FGFR1: variants seen among roughly 807,000 people sequenced by gnomAD.
FGFR1 encodes fibroblast growth factor receptor 1, also known as FGFR1/PLAG1 fusion.
Under a neutral mutation model 93.7 loss-of-function variants are expected in FGFR1, and 18 were observed. The observed-to-expected ratio is 0.19, with a 90% CI of 0.13 to 0.28. FGFR1 has a LOEUF of 0.28. Among genes scored for constraint, FGFR1 ranks in the 10% least tolerant of loss-of-function variants. The pLI, the probability that FGFR1 is intolerant of heterozygous loss-of-function variation, is 1.00. For synonymous variants in FGFR1, 448 were observed against 429.3 expected (o/e 1.04, Z -0.54); for missense variants, 731 against 1,080.4 (o/e 0.68, Z 4.53).
chr8:38,413,640 G>C lies in FGFR1; in HGVS notation c.2457C>G (p.Leu819=). The change falls in exon 18 of 18, where the codon CTC becomes CTG. Residue 819 remains leucine (L), a synonymous_variant. Transcript: ENST00000447712. This position sits in a 1 kb window ranked among gnomAD's most constrained non-coding sequence, Gnocchi z 4.2. ...RHPAQLANGG[L]KRR The stretch of plus-strand genomic sequence containing the variant: ...GTGTGGGTGGCAGTCAGCGGCGTTT[G>C]AGTCCGCCATTGGCAAGCTGGGCTG... 1 of 1,611,080 alleles carries C rather than the reference G, an allele frequency of 6.2e-7. No homozygotes were observed.
chr8:38,431,049 C>CCACA (rs933050949), intron 2 of FGFR1, among the ~76,000 whole-genome samples: 1 of 152,214 alleles, frequency 6.6e-6, no homozygotes, highest in African/African-American at 2.4e-5. Flanking sequence ...CACCTACCAC[C>CCACA]CACATCCCGC....
intron 4 of FGFR1, 95 bp downstream of exon 4, chr8:38,428,251 T>C (rs1821495994): frequency 6.8e-7 from 1 of 1,468,652 alleles, no homozygotes; most frequent in Non-Finnish European, 9.5e-7. Flanking sequence ...CGTGACCCCA[T>C]GTGCCCTCCT....
intron 1 of FGFR1, among the ~76,000 whole-genome samples, chr8:38,458,095 C>G (rs1833382454): frequency 6.6e-6 from 1 of 152,190 alleles, no homozygotes; most frequent in African/African-American, 2.4e-5. Context: ...ATGAGGTTTT[C>G]CAAGGTATAA....
chr8:38,423,270 C>G, intron 7 of FGFR1: 1 of 683,202 alleles, frequency 1.5e-6, no homozygotes, highest in Non-Finnish European at 2.7e-6. Flanking sequence ...GCCCAGGGAG[C>G]GAAGGGAGAT....
chr8:38,452,887 GA>G (rs543205091), intron 2 of FGFR1, among the ~76,000 whole-genome samples: 129 of 152,294 alleles, frequency 8.5e-4, no homozygotes, highest in Admixed American at 2.7e-3. Flanking sequence ...TGAGGCAGAA[GA>G]ATCGCTTGAA....
At chr8:38,440,436 A>G (rs967865311) in intron 2 of FGFR1, 11 of 1,385,986 alleles carry the variant, frequency 7.9e-6, no homozygotes, top group South Asian at 6.9e-5. Context: ...GGAGTCCCCA[A>G]ATAGAAGGAG....
In FGFR1 at chr8:38,412,833, T is replaced by A. The variant is rs1245537720; in HGVS notation, c.*795A>T. 1.7e-5 allele frequency: 4 copies of A among 233,512 alleles called. No homozygotes were observed. Among genetic ancestry groups the A allele is most frequent in the Non-Finnish European group, 3.4e-5 (4 of 118,034 alleles). 14.5% of individuals were successfully genotyped at this position (233,512 alleles called of 1,614,324 possible). ...AAGTAGCAAAAAATATATGACCTTT[T>A]TAAAAACATTTTCCTTTTTTTTCTT... On this transcript the variant is annotated 3_prime_UTR_variant, in exon 18 of 18. Transcript: ENST00000447712.
intron 2 of FGFR1, chr8:38,434,329 CTTTT>C (rs57569029): frequency 0.018 from 2,038 of 113,820 alleles, 43 homozygotes; most frequent in African/African-American, 0.052. Context: ...ATTGCTGCTG[CTTTT>C]TTTTTTTTTT....
intron 1 of FGFR1, among the ~76,000 whole-genome samples, chr8:38,460,480 C>T (rs1834120573): frequency 6.6e-6 from 1 of 152,120 alleles, no homozygotes; most frequent in South Asian, 2.1e-4. Context: ...AAGCTTGCTT[C>T]GACTTGGCCA....
chr8:38,442,012 A>G (rs1007300874), intron 2 of FGFR1, among the ~76,000 whole-genome samples: 6 of 152,126 alleles, frequency 3.9e-5, no homozygotes, highest in Admixed American at 2.0e-4. Flanking sequence ...TGACATTTTA[A>G]TAGAAACATA....
chr8:38,457,420 G>A lies in FGFR1; in HGVS notation c.27C>T (p.Phe9=), dbSNP rs971805245. The A allele has an allele frequency of 2.5e-6, 4 of 1,613,892 alleles. No homozygotes were observed. Among genetic ancestry groups the A allele is most frequent in the South Asian group, 1.1e-5 (1 of 91,092 alleles). MWSWKCLL[F]WAVLVTATLC... is the part of the protein sequence containing the mutation. ...GTGTGGCTGTGACCAGCACAGCCCAGAAGAGGAGGCACTTCCAGCTCCACA... is the reference window on the plus strand; with the variant it reads ...GTGTGGCTGTGACCAGCACAGCCCAAAAGAGGAGGCACTTCCAGCTCCACA... The change falls in exon 2 of 18, where the codon TTC becomes TTT. Residue 9 remains phenylalanine, a synonymous_variant. Coordinates refer to ENST00000447712, the MANE Select transcript of FGFR1 (RefSeq NM_023110.3).
chr8:38,456,742 C>CA (rs200923098), intron 2 of FGFR1, among the ~76,000 whole-genome samples: 1 of 151,166 alleles, frequency 6.6e-6, no homozygotes, highest in African/African-American at 2.4e-5. Flanking sequence ...AGTTAATTTC[C>CA]TTTTTTTTTG....
intron 9 of FGFR1, 53 bp from the exon 10 acceptor site, chr8:38,418,426 C>T: frequency 6.3e-7 from 1 of 1,582,472 alleles, no homozygotes; most frequent in Non-Finnish European, 8.6e-7. Context: ...CGGGGTGACT[C>T]CTTCCCATTC....
chr8:38,440,532 A>G (rs1312108468), intron 2 of FGFR1, among the ~76,000 whole-genome samples: 1 of 151,908 alleles, frequency 6.6e-6, no homozygotes, highest in Non-Finnish European at 1.5e-5. Flanking sequence ...CCCAGGGCCA[A>G]TGGCGTCCAC....
intron 2 of FGFR1, among the ~76,000 whole-genome samples, chr8:38,442,560 C>T (rs954361345): frequency 1.3e-5 from 2 of 152,106 alleles, no homozygotes; most frequent in East Asian, 1.9e-4. Context: ...GATGAATCAA[C>T]GGCAAAGAGG....
intron 2 of FGFR1, among the ~76,000 whole-genome samples, chr8:38,456,412 A>C (rs994768093): frequency 2.0e-5 from 3 of 152,110 alleles, no homozygotes; most frequent in Admixed American, 2.0e-4. Flanking sequence ...TGAATTTCCA[A>C]CACGCCATAG....
chr8:38,424,247 G>GT lies in FGFR1; in HGVS notation c.936+261dup. The GT allele has an allele frequency of 1.6e-6, 1 of 631,510 alleles. No homozygotes were observed. The highest frequency in any genetic ancestry group is 3.0e-6 in the Non-Finnish European group (1 of 333,362). The allele number at this position is 631,510 out of a possible 1,614,324, so 39.1% of individuals were successfully genotyped here. On this transcript the variant is annotated intron_variant, in intron 7 of 17. Coordinates refer to ENST00000447712, the MANE Select transcript of FGFR1 (RefSeq NM_023110.3). The surrounding 1 kb of genome is among the most constrained non-coding windows in gnomAD (Gnocchi z 4.3). ...TTGTGTAGCTGACCCCAAAGCCCCA[G>GT]TGACGTTGCTCTCAAAGCTTATTAC...
chr8:38,419,688 T>C lies in FGFR1; in HGVS notation c.1129A>G (p.Ile377Val), dbSNP rs1356366120. ...AVMTSPLYLE[I>V]IIYCTGAFLI... ...AAGGCCCCTGTGCAATAGATGATGATCTCCAGGTACAGGGGCGAGGTCATC... is the reference window on the plus strand; with the variant it reads ...AAGGCCCCTGTGCAATAGATGATGACCTCCAGGTACAGGGGCGAGGTCATC... Residue 377 changes from isoleucine (I) to valine (V), a missense_variant, in exon 9 of 18, where the codon ATC becomes GTC. Physicochemically the swap from Ile to Val is conservative, Grantham distance 29 (BLOSUM62 3). Coordinates refer to ENST00000447712, the MANE Select transcript of FGFR1 (RefSeq NM_023110.3). 1 of 1,614,036 alleles carries C rather than the reference T, an allele frequency of 6.2e-7. No individual in the cohort carries two copies. The highest frequency in any genetic ancestry group is 2.2e-5 in the East Asian group (1 of 44,858).
rs1239004403 is a variant in FGFR1 at position 38,424,361 on chromosome 8, G to C, written c.936+148C>G. On this transcript the variant is annotated intron_variant, in intron 7 of 17. Transcript: ENST00000447712. This position sits in a 1 kb window ranked among gnomAD's most constrained non-coding sequence, Gnocchi z 4.3. ...TTACTAGTCCTGGGGGATGTGGCTA[G>C]ATCCCTACTGAGATGGAGTGTGTGT... 1 of 859,780 alleles carries C rather than the reference G, an allele frequency of 1.2e-6. No individual in the cohort carries two copies. The allele number at this position is 859,780 out of a possible 1,614,324, so 53.3% of individuals were successfully genotyped here. A position where few individuals can be genotyped will look rare whatever the true frequency, so the allele number is the denominator to read the frequency against.
Sources: gnomAD v4.1 joint callset for allele counts (sites outside exome capture counted in the v4.1 genomes callset) on GRCh38, gnomAD v4.1.1 for gene constraint, Gnocchi (gnomAD v3.1) non-coding constraint, MANE v1.5 for transcripts, NCBI Gene and HGNC (gene_info 2026-07-23, HGNC 2026-07-21) for gene names.